SPOUT1: variants seen among roughly 807,000 people sequenced by gnomAD.
SPOUT1 encodes SPOUT domain containing methyltransferase 1.
Under a neutral mutation model 54.8 loss-of-function variants are expected in SPOUT1, and 40 were observed. The ratio of observed to expected loss-of-function variants is 0.73; its 90% CI spans 0.57 to 0.95. The LOEUF (loss-of-function observed/expected upper bound fraction) is 0.95, where lower values mean the gene tolerates loss of function less well. Ranked by LOEUF, SPOUT1 falls within the 40% of genes least tolerant of loss-of-function variation. The pLI is 0.00. For missense variants in SPOUT1, 437 were observed against 499.5 expected, an observed-to-expected ratio of 0.87 and a Z score of 1.19; for synonymous variants, 193 against 200.3, an observed-to-expected ratio of 0.96 and a Z score of 0.31.
chr9:128,826,595 T>G lies in SPOUT1; in HGVS notation c.403A>C (p.Lys135Gln). 1 of 1,598,990 alleles carries G rather than the reference T, an allele frequency of 6.3e-7. No individual in the cohort carries two copies. The highest frequency in any genetic ancestry group is 1.1e-5 in the South Asian group (1 of 88,178). ...GCCAGCTGTACGCACGCCTGCCCCT[T>G]CTTCCCAACTCCTGTGAATTCCCCC... ...VEGEFTGVGK[K>Q]GQACVQLARI... is the part of the protein sequence containing the mutation. The change falls in exon 5 of 12, where the codon AAG (lysine) becomes CAG (glutamine). Residue 135 changes from lysine (K) to glutamine (Q), a missense_variant. Physicochemically the swap from Lys to Gln is moderately conservative, Grantham distance 53. Transcript: ENST00000361256. The surrounding 1 kb of genome is among the most constrained non-coding windows in gnomAD (Gnocchi z 5.5).
rs1285531112 is a variant in SPOUT1 at position 128,820,321 on chromosome 9, AGCTCAGGATGGAG to A, written c.*2431_*2443del. ...ACTTTCCATTGTCCCAGGCCTGGAG[AGCTCAGGATGGAG>A]GTCGATTCATGGCATTCCCCGCTAG... On this transcript the variant is annotated 3_prime_UTR_variant, in exon 12 of 12. Coordinates refer to ENST00000361256, the MANE Select transcript of SPOUT1 (RefSeq NM_016390.4). 1 of 166,200 alleles carries A rather than the reference AGCTCAGGATGGAG, an allele frequency of 6.0e-6. No individual in the cohort carries two copies. The highest frequency in any genetic ancestry group is 2.4e-5 in the African/African-American group (1 of 41,776). The allele number at this position is 166,200 out of a possible 1,614,324, so 10.3% of individuals were successfully genotyped here. A position where few individuals can be genotyped will look rare whatever the true frequency, so the allele number is the denominator to read the frequency against.
rs1454148399 is a variant in SPOUT1 at position 128,820,902 on chromosome 9, C to T, written c.*1863G>A. 8.8e-6 allele frequency: 13 copies of T among 1,480,544 alleles called. No homozygotes were observed. In the East Asian group the frequency reaches 2.2e-4, roughly 25 times the overall value. The allele number at this position is 1,480,544 out of a possible 1,614,324, so 91.7% of individuals were successfully genotyped here. A position where few individuals can be genotyped will look rare whatever the true frequency, so the allele number is the denominator to read the frequency against. ...ACCTCCCACTCACCTGAGGCCCCTA[C>T]TGCCACTCACAGGGCCAGGCTTGCC... On this transcript the variant is annotated 3_prime_UTR_variant, in exon 12 of 12. Coordinates refer to ENST00000361256, the MANE Select transcript of SPOUT1 (RefSeq NM_016390.4).
rs1351718882 is a variant in SPOUT1, at chr9:128,822,795, G to A, written c.1101C>T (p.Gly367=). The change falls in exon 12 of 12, where the codon GGC becomes GGT. Residue 367 remains glycine, a synonymous_variant. Transcript: ENST00000361256. ...ILISLAALQP[G]LIQAGARHT is the part of the protein sequence containing the mutation. ...TGTGCCGGGCACCCGCCTGGATGAG[G>A]CCAGGCTGCAGGGCGGCCAGGGAGA... is the stretch of plus-strand genomic sequence containing the variant. 5.7e-6 allele frequency: 9 copies of A among 1,590,350 alleles called. No homozygotes were observed. Among genetic ancestry groups the A allele is most frequent in the Non-Finnish European group, 7.7e-6 (9 of 1,167,474 alleles).
In SPOUT1 at chr9:128,822,687, G is replaced by A. The variant is rs1830149707; in HGVS notation, c.*78C>T. The A allele has an allele frequency of 6.4e-7, 1 of 1,553,406 alleles. No homozygotes were observed. Among genetic ancestry groups the A allele is most frequent in the African/African-American group, 1.4e-5 (1 of 73,248 alleles). ...GTGGTGATTTTTGGAGACAAGTCTGGTGGCGTCCGTCCCAAGTGACCTGCA... is the reference window on the plus strand; with the variant it reads ...GTGGTGATTTTTGGAGACAAGTCTGATGGCGTCCGTCCCAAGTGACCTGCA... On this transcript the variant is annotated 3_prime_UTR_variant, in exon 12 of 12. Coordinates refer to ENST00000361256, the MANE Select transcript of SPOUT1 (RefSeq NM_016390.4).
At position 128,822,280 on chromosome 9, in the gene SPOUT1, T is replaced by C; in HGVS notation, c.*485A>G. 1 of 1,588,716 alleles carries C rather than the reference T, an allele frequency of 6.3e-7. No individual in the cohort carries two copies. The highest frequency in any genetic ancestry group is 8.6e-7 in the Non-Finnish European group (1 of 1,167,600). ...GAAGGCTGCCTGGAAGAGGTGGCTTTGGGTTCATCCAGGCCCCCTGCCCAC... is the reference window on the plus strand; with the variant it reads ...GAAGGCTGCCTGGAAGAGGTGGCTTCGGGTTCATCCAGGCCCCCTGCCCAC... On this transcript the variant is annotated 3_prime_UTR_variant, in exon 12 of 12. Transcript: ENST00000361256.
Position 128,826,646 on chromosome 9 carries a change from G to C in SPOUT1, c.369-17C>G. 6.6e-7 allele frequency: 1 copy of C among 1,519,410 alleles called. No individual in the cohort carries two copies. The highest frequency in any genetic ancestry group is 8.9e-7 in the Non-Finnish European group (1 of 1,124,058). 94.1% of individuals were successfully genotyped at this position (1,519,410 alleles called of 1,614,324 possible). A position where few individuals can be genotyped will look rare whatever the true frequency, so the allele number is the denominator to read the frequency against. On this transcript the variant is annotated splice_polypyrimidine_tract_variant and intron_variant, in intron 4 of 11. Transcript: ENST00000361256. The surrounding 1 kb of genome is among the most constrained non-coding windows in gnomAD (Gnocchi z 5.5). ...TCCACAGTCCTGGAGAGAGAGAGAT[G>C]GGGGCTCAGGATCCAGCTGTGGCCC...
At chr9:128,829,599 C>T (rs1830312224) in intron 1 of SPOUT1, 146 bp downstream of exon 1, 4 of 647,364 alleles carry the variant, frequency 6.2e-6, no homozygotes, top group Non-Finnish European at 1.1e-5. Context: ...CTGAGGCTCA[C>T]GCGGCACCTT....
chr9:128,826,458 A>C lies in SPOUT1; in HGVS notation c.459-25T>G. ...CCTAGGAAAGAATGCTGACCTCAGG[A>C]TGTTCCCAGGGGAAGCCGCCTCCTA... On this transcript the variant is annotated intron_variant, in intron 5 of 11. Coordinates refer to ENST00000361256, the MANE Select transcript of SPOUT1 (RefSeq NM_016390.4). This position sits in a 1 kb window ranked among gnomAD's most constrained non-coding sequence, Gnocchi z 5.5. The C allele has an allele frequency of 6.2e-7, 1 of 1,613,752 alleles. No homozygotes were observed. The highest frequency in any genetic ancestry group is 8.5e-7 in the Non-Finnish European group (1 of 1,179,726).
At chr9:128,824,740 G>T in intron 9 of SPOUT1, 31 bp downstream of exon 9, 1 of 1,523,368 alleles carries the variant, frequency 6.6e-7, no homozygotes, top group Non-Finnish European at 9.1e-7. Context: ...AGGGATGGAT[G>T]GATATTCAGA....
At position 128,826,267 on chromosome 9, in the gene SPOUT1, A is replaced by T; in HGVS notation, c.509-115T>A. Reference sequence around the variant, plus strand: ...AGACCTGCGTCTTGGCATCAGACACAGGTCTTGCTCTCCCAGGCCTGCTTT... The same window carrying T: ...AGACCTGCGTCTTGGCATCAGACACTGGTCTTGCTCTCCCAGGCCTGCTTT... On this transcript the variant is annotated intron_variant, in intron 6 of 11. Coordinates refer to ENST00000361256, the MANE Select transcript of SPOUT1 (RefSeq NM_016390.4). This position sits in a 1 kb window ranked among gnomAD's most constrained non-coding sequence, Gnocchi z 5.5. 2 of 1,554,792 alleles carry T rather than the reference A, an allele frequency of 1.3e-6. No individual in the cohort carries two copies. Among genetic ancestry groups the T allele is most frequent in the Non-Finnish European group, 1.8e-6 (2 of 1,130,682 alleles).
chr9:128,828,609 C>A, intron 3 of SPOUT1, 126 bp downstream of exon 3: 1 of 1,008,518 alleles, frequency 9.9e-7, no homozygotes, highest in Non-Finnish European at 1.5e-6. Flanking sequence ...CTCAGTTTCT[C>A]CATCAGGACA....
At chr9:128,829,523 T>G (rs1589597876) in intron 1 of SPOUT1, among the ~76,000 whole-genome samples, 2 of 152,138 alleles carry the variant, frequency 1.3e-5, no homozygotes, top group East Asian at 1.9e-4. Flanking sequence ...CCCGCCTCCG[T>G]AATCCAGCGG....
chr9:128,827,184 G>C lies in SPOUT1; in HGVS notation c.216C>G (p.Pro72=), dbSNP rs1387195269. ...AAAEKEDRGR[P]YTLSVALPGS... ...CCGGCAGGGCTACGCTCAGTGTGTA[G>C]GGCCGCCCTGAGCAGGGGAGGGATG... The change falls in exon 4 of 12, where the codon CCC becomes CCG. Residue 72 remains proline (P), a synonymous_variant. Transcript: ENST00000361256. 6.2e-7 allele frequency: 1 copy of C among 1,611,570 alleles called. No individual in the cohort carries two copies. The highest frequency in any genetic ancestry group is 1.7e-5 in the Admixed American group (1 of 59,974).
chr9:128,828,445 G>A (rs2977989), intron 3 of SPOUT1, among the ~76,000 whole-genome samples: 1 of 149,932 alleles, frequency 6.7e-6, no homozygotes, highest in Non-Finnish European at 1.5e-5. Flanking sequence ...GCAGTGAGCA[G>A]AGATGGCGCC....
rs1321795683 is a variant in SPOUT1 at position 128,822,818 on chromosome 9, A to T, written c.1078T>A (p.Ser360Thr). ...TIRTEEAILI[S>T]LAALQPGLIQ... ...AGGCCAGGCTGCAGGGCGGCCAGGG[A>T]GATGAGGATGGCTTCCTGGAAGAGA... is the stretch of plus-strand genomic sequence containing the variant. The change falls in exon 12 of 12, where the codon TCC (serine) becomes ACC (threonine). Residue 360 changes from serine to threonine, a missense_variant. By Grantham distance (58) the Ser-to-Thr change is moderately conservative. Transcript: ENST00000361256. 1 of 1,590,408 alleles carries T rather than the reference A, an allele frequency of 6.3e-7. No individual in the cohort carries two copies. Among genetic ancestry groups the T allele is most frequent in the Non-Finnish European group, 8.6e-7 (1 of 1,167,656 alleles).
rs756739458 is a variant in SPOUT1, at chr9:128,826,533, C to T, written c.458+7G>A. 38 of 1,610,932 alleles carry T rather than the reference C, an allele frequency of 2.4e-5. No homozygotes were observed. Among genetic ancestry groups the T allele is most frequent in the African/African-American group, 6.7e-5 (5 of 74,916 alleles). ...CTCCCTCATGCTTAGGGGAGTGACC[C>T]CCTTACTGTGGACACTCCAGGTACT... is the stretch of plus-strand genomic sequence containing the variant. On this transcript the variant is annotated splice_region_variant and intron_variant, in intron 5 of 11. Coordinates refer to ENST00000361256, the MANE Select transcript of SPOUT1 (RefSeq NM_016390.4). This position sits in a 1 kb window ranked among gnomAD's most constrained non-coding sequence, Gnocchi z 5.5.
rs556705072 is a variant in SPOUT1, at chr9:128,820,814, G to A, written c.*1951C>T. 9.9e-6 allele frequency: 16 copies of A among 1,611,884 alleles called. No individual in the cohort carries two copies. Among genetic ancestry groups the A allele is most frequent in the South Asian group, 6.6e-5 (6 of 90,526 alleles). ...CAGCTTGACCCGCAGCTACCAAAACGTCTATGTCTGCACAGGGCCACTCTT... is the reference window on the plus strand; with the variant it reads ...CAGCTTGACCCGCAGCTACCAAAACATCTATGTCTGCACAGGGCCACTCTT... On this transcript the variant is annotated 3_prime_UTR_variant, in exon 12 of 12. Transcript: ENST00000361256.
In SPOUT1 at chr9:128,820,519, C is replaced by CT. The variant is rs1226139414; in HGVS notation, c.*2245dup. 1.1e-5 allele frequency: 6 copies of CT among 555,446 alleles called. No individual in the cohort carries two copies. Among genetic ancestry groups the CT allele is most frequent in the Admixed American group, 6.2e-5 (2 of 32,502 alleles). 34.4% of individuals were successfully genotyped at this position (555,446 alleles called of 1,614,324 possible). A position where few individuals can be genotyped will look rare whatever the true frequency, so the allele number is the denominator to read the frequency against. ...TCGACTCTTGGGAGCTGAGAAAAGA[C>CT]TTTGACACCTGGGCTGTGGGAGGGA... On this transcript the variant is annotated 3_prime_UTR_variant, in exon 12 of 12. Transcript: ENST00000361256.
intron 11 of SPOUT1, 60 bp from the exon 12 acceptor site, chr9:128,822,893 C>T: frequency 7.7e-7 from 1 of 1,306,284 alleles, no homozygotes. Context: ...CCCCCGCTCC[C>T]AGCCTGTCTT....
Sources: allele counts gnomAD v4.1 joint callset (sites outside exome capture counted in the v4.1 genomes callset), GRCh38; gene constraint gnomAD v4.1.1; non-coding constraint Gnocchi (gnomAD v3.1); transcripts MANE v1.5; gene names NCBI Gene and HGNC (gene_info 2026-07-23, HGNC 2026-07-21).